ARNT2: variants seen among roughly 807,000 people sequenced by gnomAD.
ARNT2 encodes the protein aryl hydrocarbon receptor nuclear translocator 2, also known as ARNT protein 2.
Under a neutral mutation model 91.7 loss-of-function variants are expected in ARNT2, and 36 were observed. The ratio of observed to expected loss-of-function variants is 0.39; its 90% CI spans 0.30 to 0.52. The LOEUF is 0.52. Among genes scored for constraint, ARNT2 ranks in the 20% least tolerant of loss-of-function variants. The probability of loss-of-function intolerance (pLI) is 0.72; values close to 1 mark genes in which losing one functional copy is unlikely to be tolerated. For synonymous variants in ARNT2, 365 were observed against 347.1 expected, an observed-to-expected ratio of 1.05 and a Z score of -0.57; for missense variants, 775 against 939.3, an observed-to-expected ratio of 0.83 and a Z score of 2.29.
intron 1 of ARNT2, among the ~76,000 whole-genome samples, chr15:80,410,226 G>A (rs1057321206): frequency 4.6e-5 from 7 of 152,210 alleles, no homozygotes; most frequent in African/African-American, 1.7e-4. Flanking sequence ...GGGATGCCAT[G>A]CTGAACAACT....
intron 1 of ARNT2, among the ~76,000 whole-genome samples, chr15:80,446,209 TAATGTCTGCTTGGA>T (rs1428330830): frequency 2.0e-5 from 3 of 152,078 alleles, no homozygotes; most frequent in Admixed American, 6.5e-5. Context: ...CATACAGGTA[TAATGTCTGCTTGGA>T]AAAGACGTTC....
chr15:80,520,428 T>C (rs1321421221), intron 8 of ARNT2, among the ~76,000 whole-genome samples: 1 of 152,176 alleles, frequency 6.6e-6, no homozygotes, highest in Non-Finnish European at 1.5e-5. Flanking sequence ...AATCTGTGTA[T>C]TGAAGAAGGT....
At chr15:80,545,531 A>G (rs1897977249) in intron 8 of ARNT2, among the ~76,000 whole-genome samples, 1 of 152,216 alleles carries the variant, frequency 6.6e-6, no homozygotes, top group Admixed American at 6.5e-5. Flanking sequence ...ACGACAGGGT[A>G]GAGAGGAGAT....
intron 1 of ARNT2, among the ~76,000 whole-genome samples, chr15:80,445,941 A>C (rs1896296077): frequency 6.6e-6 from 1 of 152,076 alleles, no homozygotes; most frequent in African/African-American, 2.4e-5. Flanking sequence ...CCAGAAAAGC[A>C]ACATTATCAA....
At chr15:80,420,842 C>G (rs77564310) in intron 1 of ARNT2, among the ~76,000 whole-genome samples, 1 of 151,948 alleles carries the variant, frequency 6.6e-6, no homozygotes, top group Non-Finnish European at 1.5e-5. Context: ...AAAGCACGGA[C>G]CTTGGGTAAC....
At chr15:80,489,978 C>G (rs1488503447) in intron 5 of ARNT2, among the ~76,000 whole-genome samples, 1 of 152,162 alleles carries the variant, frequency 6.6e-6, no homozygotes, top group Non-Finnish European at 1.5e-5. Context: ...CTGGCGTGGT[C>G]TGGGTACTCA....
chr15:80,593,277 C>T (rs1659254697), intron 18 of ARNT2, among the ~76,000 whole-genome samples: 1 of 152,228 alleles, frequency 6.6e-6, no homozygotes, highest in Admixed American at 6.5e-5. Flanking sequence ...GTTAGGTGCA[C>T]CTTGCTTGGG....
intron 8 of ARNT2, among the ~76,000 whole-genome samples, chr15:80,531,544 C>T (rs565807460): frequency 5.3e-5 from 8 of 152,228 alleles, no homozygotes; most frequent in South Asian, 4.1e-4. Flanking sequence ...CTCTCCCTTC[C>T]GACATGGCTC....
At chr15:80,432,836 A>G (rs1161924051) in intron 1 of ARNT2, among the ~76,000 whole-genome samples, 1 of 152,142 alleles carries the variant, frequency 6.6e-6, no homozygotes, top group Non-Finnish European at 1.5e-5. Context: ...ATGCTCCCCT[A>G]TCTTCAAGTA....
chr15:80,527,455 G>A (rs1897656556), intron 8 of ARNT2, among the ~76,000 whole-genome samples: 1 of 152,188 alleles, frequency 6.6e-6, no homozygotes, highest in African/African-American at 2.4e-5. Context: ...CATTTGAGCT[G>A]AAACATAAGC....
At chr15:80,548,559 CAAAT>C (rs985570517) in intron 8 of ARNT2, among the ~76,000 whole-genome samples, 8 of 151,904 alleles carry the variant, frequency 5.3e-5, no homozygotes, top group Non-Finnish European at 1.0e-4. Flanking sequence ...AAAACGGAAA[CAAAT>C]AATTCAGGTT....
chr15:80,578,548 G>A (rs1898728040), intron 15 of ARNT2, among the ~76,000 whole-genome samples: 1 of 151,290 alleles, frequency 6.6e-6, no homozygotes, highest in Admixed American at 6.6e-5. Flanking sequence ...TGGGAGAAGA[G>A]TGAAGCTGCA....
chr15:80,477,403 C>A (rs1426661917), intron 5 of ARNT2, among the ~76,000 whole-genome samples: 1 of 152,174 alleles, frequency 6.6e-6, no homozygotes, highest in Non-Finnish European at 1.5e-5. Flanking sequence ...TATAACAGTA[C>A]CTAATCACCT....
chr15:80,449,002 A>G (rs1482523737), intron 1 of ARNT2, among the ~76,000 whole-genome samples: 1 of 152,182 alleles, frequency 6.6e-6, no homozygotes, highest in African/African-American at 2.4e-5. Context: ...ACAAAACAAA[A>G]CAAAACAAAA....
rs763635539 is a variant in ARNT2, at chr15:80,475,163, C to A, written c.562C>A (p.His188Asn). The stretch of plus-strand genomic sequence containing the variant: ...TGGGAGCACACTGTATGAACAGGTG[C>A]ATCCTGATGACGTGGAGAAGCTGAG... The part of the protein sequence containing the change: ...WFGSTLYEQV[H>N]PDDVEKLREQ... Residue 188 changes from histidine to asparagine, a missense_variant, in exon 5 of 19, where the codon CAT (histidine) becomes AAT (asparagine). Coordinates refer to ENST00000303329, the MANE Select transcript of ARNT2 (RefSeq NM_014862.4). 6 of 1,614,062 alleles carry A rather than the reference C, an allele frequency of 3.7e-6. No individual in the cohort carries two copies. In the African/African-American group the frequency reaches 6.7e-5, roughly 18 times the overall value.
chr15:80,457,989 T>G lies in ARNT2; in HGVS notation c.194+13T>G. 6.2e-7 allele frequency: 1 copy of G among 1,611,340 alleles called. No homozygotes were observed. Among genetic ancestry groups the G allele is most frequent in the Non-Finnish European group, 8.5e-7 (1 of 1,177,554 alleles). The stretch of plus-strand genomic sequence containing the variant: ...GTAAATTTTCAAGGTAAGTTTATTT[T>G]ATTTTCCTTAGACTTAAAGAAGGCA... On this transcript the variant is annotated intron_variant, in intron 3 of 18. Transcript: ENST00000303329.
chr15:80,469,564 G>T (rs1185738977), intron 3 of ARNT2, among the ~76,000 whole-genome samples: 1 of 150,974 alleles, frequency 6.6e-6, no homozygotes, highest in Non-Finnish European at 1.5e-5. Flanking sequence ...AATATGTAAA[G>T]ATACAACATG....
chr15:80,552,050 G>A (rs1289752495), intron 9 of ARNT2, among the ~76,000 whole-genome samples: 1 of 152,194 alleles, frequency 6.6e-6, no homozygotes, highest in Non-Finnish European at 1.5e-5. Context: ...CTAGGACATT[G>A]AGGGTCTTCC....
At chr15:80,593,011 T>C (rs1467496750) in intron 18 of ARNT2, among the ~76,000 whole-genome samples, 1 of 152,262 alleles carries the variant, frequency 6.6e-6, no homozygotes, top group Non-Finnish European at 1.5e-5. Flanking sequence ...GAGTATCACA[T>C]GGGCTGAGAA....
Sources: allele counts gnomAD v4.1 joint callset (sites outside exome capture counted in the v4.1 genomes callset), GRCh38; gene constraint gnomAD v4.1.1; transcripts MANE v1.5; gene names NCBI Gene and HGNC (gene_info 2026-07-23, HGNC 2026-07-21).